Variants in GPHN observed in about 807,000 individuals in gnomAD.
GPHN encodes the protein gephyrin.
A neutral mutation model predicts 95.5 loss-of-function variants in GPHN; 17 were observed. The observed-to-expected ratio is 0.18, with a 90% CI of 0.12 to 0.27. The LOEUF (loss-of-function observed/expected upper bound fraction) is 0.27. Ranked by LOEUF, GPHN falls within the 10% of genes least tolerant of loss-of-function variation. The pLI, the probability that GPHN is intolerant of heterozygous loss-of-function variation, is 1.00. For synonymous variants in GPHN, 320 were observed against 322.5 expected (o/e 0.99, Z 0.08); for missense variants, 660 against 978.1 (o/e 0.67, Z 4.34).
At chr14:66,664,989 C>CAAAAA (rs937401198) in intron 1 of GPHN, among the ~76,000 whole-genome samples, 29 of 54,854 alleles carry the variant, frequency 5.3e-4, no homozygotes, top group East Asian at 1.2e-3. Context: ...GCCTACCAAC[C>CAAAAA]AAAAAAAAAA....
In GPHN at chr14:67,181,132, TTC is replaced by T. The variant is rs1407659049; in HGVS notation, c.*197_*198del. The T allele has an allele frequency of 1.5e-6, 1 of 659,666 alleles. No individual in the cohort carries two copies. The highest frequency in any genetic ancestry group is 2.5e-6 in the Non-Finnish European group (1 of 392,268). 40.9% of individuals were successfully genotyped at this position (659,666 alleles called of 1,614,324 possible). The stretch of plus-strand genomic sequence containing the variant: ...CCTAAAAATAAATCTTAACAGAAAA[TTC>T]TGTTCTGATTATATCAAGGCAAATT... On this transcript the variant is annotated 3_prime_UTR_variant, in exon 23 of 23. Transcript: ENST00000478722.
the GPHN span, among the ~76,000 whole-genome samples, chr14:67,465,110 A>C: frequency 6.6e-6 from 1 of 152,228 alleles, no homozygotes; most frequent in Non-Finnish European, 1.5e-5. Context: ...CGTTGACAAC[A>C]CTGGAAGAAT....
At chr14:67,392,457 C>T in the GPHN span, 1 of 1,538,204 alleles carries the variant, frequency 6.5e-7, no homozygotes, top group Non-Finnish European at 9.0e-7. Context: ...AAGGACTCTG[C>T]TACAGAAAAG....
chr14:67,419,706 G>A, the GPHN span, among the ~76,000 whole-genome samples: 12 of 152,132 alleles, frequency 7.9e-5, no homozygotes, highest in Non-Finnish European at 1.6e-4. Context: ...AAAATTAGCC[G>A]GGCGTGGTGG....
the GPHN span, among the ~76,000 whole-genome samples, chr14:67,361,333 C>G: frequency 6.6e-6 from 1 of 152,168 alleles, no homozygotes; most frequent in Non-Finnish European, 1.5e-5. Context: ...GTGACTTGTA[C>G]AGAACTTTGC....
At chr14:66,887,759 C>G (rs1280337911) in intron 5 of GPHN, among the ~76,000 whole-genome samples, 2 of 152,060 alleles carry the variant, frequency 1.3e-5, no homozygotes, top group Non-Finnish European at 2.9e-5. Context: ...AGAGACAAAG[C>G]AAGCATCAGA....
chr14:67,662,775 G>A, the GPHN span, among the ~76,000 whole-genome samples: 1 of 151,846 alleles, frequency 6.6e-6, no homozygotes, highest in Non-Finnish European at 1.5e-5. Context: ...GTGGTGGCAG[G>A]CACCTGTAAT....
the GPHN span, among the ~76,000 whole-genome samples, chr14:67,532,697 G>A: frequency 6.6e-6 from 1 of 152,186 alleles, no homozygotes; most frequent in Non-Finnish European, 1.5e-5. Flanking sequence ...AAGCAAGTAA[G>A]TTACTCTCTG....
intron 10 of GPHN, among the ~76,000 whole-genome samples, chr14:67,054,106 G>A (rs1310008626): frequency 6.6e-6 from 1 of 152,144 alleles, no homozygotes; most frequent in Non-Finnish European, 1.5e-5. Flanking sequence ...TGGAAATTCT[G>A]GCCAGGGCAA....
At chr14:67,654,164 T>C in the GPHN span, among the ~76,000 whole-genome samples, 12 of 152,352 alleles carry the variant, frequency 7.9e-5, no homozygotes, top group East Asian at 1.5e-3. Context: ...TGGAGTGCAG[T>C]GCTGCAATCG....
At chr14:66,614,485 T>C (rs950485437) in intron 1 of GPHN, among the ~76,000 whole-genome samples, 1 of 152,118 alleles carries the variant, frequency 6.6e-6, no homozygotes, top group Admixed American at 6.5e-5. Flanking sequence ...TATTCACTTA[T>C]TGTAATAGAT....
chr14:67,073,223 A>C (rs2076375542), intron 11 of GPHN, among the ~76,000 whole-genome samples: 1 of 152,142 alleles, frequency 6.6e-6, no homozygotes, highest in African/African-American at 2.4e-5. Flanking sequence ...AATTACCATT[A>C]AAGAAGAATT....
chr14:67,635,183 G>T, the GPHN span, among the ~76,000 whole-genome samples: 3 of 152,198 alleles, frequency 2.0e-5, no homozygotes, highest in African/African-American at 7.2e-5. Context: ...GGTTGAGGCT[G>T]CAGTGAGCCA....
At chr14:67,500,661 T>A in the GPHN span, among the ~76,000 whole-genome samples, 1 of 145,474 alleles carries the variant, frequency 6.9e-6, no homozygotes, top group African/African-American at 2.5e-5. Context: ...AACCTCCACC[T>A]CCCAGGTTCA....
the GPHN span, among the ~76,000 whole-genome samples, chr14:67,396,233 C>T: frequency 3.3e-5 from 5 of 151,770 alleles, no homozygotes; most frequent in African/African-American, 1.2e-4. Context: ...CTGCAAACTC[C>T]GGCTCCCAGG....
chr14:66,744,095 C>A (rs1300018634), intron 2 of GPHN, among the ~76,000 whole-genome samples: 8 of 152,134 alleles, frequency 5.3e-5, no homozygotes, highest in Non-Finnish European at 8.8e-5. Context: ...ATTAGAATAG[C>A]TATATATAAT....
the GPHN span, among the ~76,000 whole-genome samples, chr14:67,542,608 A>C: frequency 1.3e-5 from 2 of 152,238 alleles, no homozygotes; most frequent in African/African-American, 4.8e-5. Flanking sequence ...TATTTTATTT[A>C]CAGGTTTGGG....
the GPHN span, among the ~76,000 whole-genome samples, chr14:67,351,414 C>T: frequency 6.6e-6 from 1 of 152,316 alleles, no homozygotes; most frequent in East Asian, 1.9e-4. Context: ...TTTTCTTAAT[C>T]ATTTTAGGTC....
At chr14:66,681,224 C>G (rs565920386) in intron 2 of GPHN, 39 bp downstream of exon 2, 1 of 1,177,694 alleles carries the variant, frequency 8.5e-7, no homozygotes. Context: ...TAAATTAAAA[C>G]TTTATTATTA....
Sources: allele counts gnomAD v4.1 joint callset (sites outside exome capture counted in the v4.1 genomes callset), GRCh38; gene constraint gnomAD v4.1.1; transcripts MANE v1.5; gene names NCBI Gene and HGNC (gene_info 2026-07-23, HGNC 2026-07-21).